The following GTF3C5 variants were observed in gnomAD, a reference collection of about 807,000 sequenced individuals.
GTF3C5 encodes the protein general transcription factor 3C polypeptide 5.
Under a neutral mutation model 61.0 loss-of-function variants are expected in GTF3C5, and 47 were observed. The ratio of observed to expected loss-of-function variants is 0.77; its 90% confidence interval spans 0.61 to 0.98. The LOEUF is 0.98. GTF3C5 is among the 50% of genes least tolerant of loss of function. GTF3C5 has a pLI of 0.00. For missense variants in GTF3C5, 659 were observed against 703.3 expected, an observed-to-expected ratio of 0.94 and a Z score of 0.71; for synonymous variants, 295 against 275.4, an observed-to-expected ratio of 1.07 and a Z score of -0.71.
intron 3 of GTF3C5, among the ~76,000 whole-genome samples, chr9:133,049,689 T>C (rs1365823624): frequency 1.3e-5 from 2 of 152,190 alleles, no homozygotes; most frequent in African/African-American, 4.8e-5. Flanking sequence ...ACTACAAATA[T>C]TTTGAGAAAT....
chr9:133,048,912 C>T (rs1850289475), intron 3 of GTF3C5, among the ~76,000 whole-genome samples: 1 of 152,230 alleles, frequency 6.6e-6, no homozygotes, highest in African/African-American at 2.4e-5. Flanking sequence ...GATTCTCCTG[C>T]CCTGCTCACG....
chr9:133,030,981 G>C (rs779168832), upstream of GTF3C5: 1 of 1,611,334 alleles, frequency 6.2e-7, no homozygotes, highest in Non-Finnish European at 8.5e-7. Context: ...TTGTGGGACG[G>C]ACCCTGGCGG....
At chr9:133,048,625 T>G (rs1850278864) in intron 3 of GTF3C5, among the ~76,000 whole-genome samples, 1 of 152,026 alleles carries the variant, frequency 6.6e-6, no homozygotes, top group Non-Finnish European at 1.5e-5. Flanking sequence ...GCTGAGATCG[T>G]GCCATTGCAC....
intron 8 of GTF3C5, 73 bp downstream of exon 8, chr9:133,054,882 C>T: frequency 6.5e-7 from 1 of 1,537,402 alleles, no homozygotes; most frequent in East Asian, 2.5e-5. Flanking sequence ...TGGGTGACAC[C>T]TGGGGGGCTG....
upstream of GTF3C5, chr9:133,030,969 C>T (rs1255373845): frequency 1.9e-6 from 3 of 1,608,874 alleles, no homozygotes; most frequent in Non-Finnish European, 2.5e-6. Flanking sequence ...TTTGGGAGTA[C>T]TTTGTGGGAC....
chr9:133,052,220 C>G, intron 5 of GTF3C5, 56 bp downstream of exon 5: 1 of 948,756 alleles, frequency 1.1e-6, no homozygotes, highest in Non-Finnish European at 1.7e-6. Context: ...GGTCCCTGGT[C>G]CCTGCTGTGA....
At chr9:133,050,042 A>G (rs868453940) in intron 3 of GTF3C5, among the ~76,000 whole-genome samples, 40 of 152,152 alleles carry the variant, frequency 2.6e-4, no homozygotes, top group Non-Finnish European at 3.5e-4. Flanking sequence ...TTTCATGACA[A>G]TGCCATTTGG....
chr9:133,051,034 G>A (rs1263722402), intron 4 of GTF3C5, 56 bp downstream of exon 4: 17 of 1,355,606 alleles, frequency 1.3e-5, no homozygotes, highest in South Asian at 2.8e-5. Context: ...TTGGCTTCCC[G>A]TGTTTACCCA....
chr9:133,054,618 G>C, intron 7 of GTF3C5, 94 bp from the exon 8 acceptor site: 3 of 1,413,112 alleles, frequency 2.1e-6, no homozygotes, highest in Non-Finnish European at 2.9e-6. Context: ...CCCCTAGGAG[G>C]GGGTGGGCTG....
Position 133,058,000 on chromosome 9 carries a change from T to C in GTF3C5, c.*20T>C. On this transcript the variant is annotated 3_prime_UTR_variant, in exon 11 of 11. Transcript: ENST00000372097. ...GTGTGACAGGGCCCAAGGCTGGGCC[T>C]CCCTGACCCGGCCAGACTGGTGTCT... 6.2e-7 allele frequency: 1 copy of C among 1,613,194 alleles called. No homozygotes were observed. The highest frequency in any genetic ancestry group is 8.5e-7 in the Non-Finnish European group (1 of 1,179,658).
chr9:133,053,177 C>T (rs889111146), intron 5 of GTF3C5, among the ~76,000 whole-genome samples: 7 of 152,100 alleles, frequency 4.6e-5, no homozygotes, highest in Admixed American at 1.3e-4. Flanking sequence ...TCAAAAGCTC[C>T]GTTTAGGGAC....
rs867486982 is a variant in GTF3C5 at position 133,054,665 on chromosome 9, T to A, written c.1070-47T>A. ...GGGCATGGTGGTTGGGAGAGACACC[T>A]CCTCCCCACCCTGCACATTCCAAGC... On this transcript the variant is annotated intron_variant, in intron 7 of 10. Transcript: ENST00000372097. 4.0e-6 allele frequency: 6 copies of A among 1,499,344 alleles called. No individual in the cohort carries two copies. The Middle Eastern group carries it at 5.1e-4, about 128-fold the overall frequency. 92.9% of individuals were successfully genotyped at this position (1,499,344 alleles called of 1,614,324 possible).
chr9:133,030,743 G>A, upstream of GTF3C5: 1 of 578,608 alleles, frequency 1.7e-6, no homozygotes, highest in South Asian at 2.0e-5. Flanking sequence ...CTGGCTAGTA[G>A]GAGAGACTGG....
chr9:133,032,207 C>T (rs1309370817), intron 1 of GTF3C5, among the ~76,000 whole-genome samples: 1 of 152,236 alleles, frequency 6.6e-6, no homozygotes, highest in Admixed American at 6.5e-5. Flanking sequence ...GGATTATAGG[C>T]GTGAGCCACC....
At chr9:133,043,125 G>A (rs1325888405) in intron 2 of GTF3C5, among the ~76,000 whole-genome samples, 2 of 152,222 alleles carry the variant, frequency 1.3e-5, no homozygotes, top group Non-Finnish European at 2.9e-5. Flanking sequence ...AGAAGAAAGT[G>A]AAATGAAGGA....
rs774981009 is a variant in GTF3C5 at position 133,053,863 on chromosome 9, TG to T, written c.912del (p.Tyr305MetfsTer23). ...CCTGGCGCAGCCTATGGATTCGATT[TG>T]GGTATGACCCCCGAAAAAACCCAGA... ...GPWRSLWIRF[G>X]YDPRKNPDAK... On this transcript the variant is annotated frameshift_variant, in exon 6 of 11. Transcript: ENST00000372097. LOFTEE classifies it high-confidence loss of function. 8 of 1,612,634 alleles carry T rather than the reference TG, an allele frequency of 5.0e-6. No individual in the cohort carries two copies. Among genetic ancestry groups the T allele is most frequent in the Non-Finnish European group, 6.8e-6 (8 of 1,179,008 alleles).
chr9:133,042,177 AGCAGCCT>A lies in GTF3C5; in HGVS notation c.247_253del (p.Ser83CysfsTer120). 1 of 1,614,110 alleles carries A rather than the reference AGCAGCCT, an allele frequency of 6.2e-7. No homozygotes were observed. The highest frequency in any genetic ancestry group is 8.5e-7 in the Non-Finnish European group (1 of 1,179,932). The stretch of plus-strand genomic sequence containing the variant: ...AGTGTGCGCCAACCGCTTCAGTACC[AGCAGCCT>A]GCTGCTCCGCATCAGGAAGAGAACG... On this transcript the variant is annotated frameshift_variant, in exon 2 of 11. Transcript: ENST00000372097. LOFTEE classifies it high-confidence loss of function.
intron 1 of GTF3C5, among the ~76,000 whole-genome samples, chr9:133,040,096 C>T (rs973859802): frequency 6.6e-6 from 1 of 152,222 alleles, no homozygotes; most frequent in African/African-American, 2.4e-5. Context: ...GGGATTATTA[C>T]AGTGTGAGCA....
rs1374878651 is a variant in GTF3C5 at position 133,057,832 on chromosome 9, C to A, written c.1412C>A (p.Ala471Asp). The change falls in exon 11 of 11, where the codon GCC becomes GAC. Residue 471 changes from alanine (A) to aspartate (D), a missense_variant. Coordinates refer to ENST00000372097, the MANE Select transcript of GTF3C5 (RefSeq NM_012087.4). The part of the protein sequence containing the change: ...SKRPALFSSS[A>D]KADGGKEQLT... ...GCCCCAGCTCTCTTTTCCAGCTCAGCCAAGGCTGATGGCGGAAAAGAGCAG... is the reference window on the plus strand; with the variant it reads ...GCCCCAGCTCTCTTTTCCAGCTCAGACAAGGCTGATGGCGGAAAAGAGCAG... 2.5e-6 allele frequency: 4 copies of A among 1,610,196 alleles called. No individual in the cohort carries two copies. The highest frequency in any genetic ancestry group is 3.3e-5 in the Admixed American group (2 of 59,820).
Sources: gnomAD v4.1 joint callset for allele counts (sites outside exome capture counted in the v4.1 genomes callset) on GRCh38, gnomAD v4.1.1 for gene constraint, MANE v1.5 for transcripts, NCBI Gene and HGNC (gene_info 2026-07-23, HGNC 2026-07-21) for gene names.